EVA1C: variants seen among roughly 807,000 people sequenced by gnomAD.
The protein encoded by EVA1C is protein eva-1 homolog C.
In EVA1C, 25 loss-of-function variants were observed where a neutral mutation model predicts 45.4. That is an observed-to-expected ratio of 0.55 (90% confidence interval 0.40 to 0.77). The LOEUF is 0.77. EVA1C is among the 30% of genes least tolerant of loss of function. The probability of loss-of-function intolerance (pLI) is 0.00; values close to 1 mark genes in which losing one functional copy is unlikely to be tolerated. For synonymous variants in EVA1C, 190 were observed against 221.2 expected (o/e 0.86, Z 1.25); for missense variants, 479 against 554.8 (o/e 0.86, Z 1.37).
chr21:32,481,401 C>CT (rs5843555), intron 4 of EVA1C, among the ~76,000 whole-genome samples: 29,945 of 132,968 alleles, frequency 0.23, 4,290 homozygotes, highest in African/African-American at 0.41. Context: ...GAAACAGAAC[C>CT]TTTTTTTTTT....
intron 4 of EVA1C, among the ~76,000 whole-genome samples, chr21:32,489,000 A>T (rs2037068597): frequency 6.6e-6 from 1 of 152,182 alleles, no homozygotes; most frequent in African/African-American, 2.4e-5. Flanking sequence ...ATATATTTGA[A>T]TATTAACCCC....
intron 1 of EVA1C, among the ~76,000 whole-genome samples, chr21:32,423,580 G>A (rs1174535617): frequency 2.0e-5 from 3 of 151,944 alleles, no homozygotes; most frequent in African/African-American, 7.3e-5. Flanking sequence ...TGAGTGTTTG[G>A]AAGTATGTTC....
intron 7 of EVA1C, among the ~76,000 whole-genome samples, chr21:32,512,366 GAA>G (rs1476125143): frequency 1.8e-4 from 27 of 152,098 alleles, no homozygotes; most frequent in Non-Finnish European, 4.4e-5. Context: ...CTCAAAATAT[GAA>G]AAAAGAGGTA....
intron 4 of EVA1C, among the ~76,000 whole-genome samples, chr21:32,468,388 A>AAC (rs1409229407): frequency 3.9e-5 from 4 of 103,488 alleles, no homozygotes; most frequent in East Asian, 7.4e-4. Flanking sequence ...ACAAACAAAC[A>AAC]AACAAAAAAA....
At chr21:32,458,567 C>T (rs371433732) in intron 3 of EVA1C, among the ~76,000 whole-genome samples, 8 of 149,224 alleles carry the variant, frequency 5.4e-5, no homozygotes, top group Non-Finnish European at 1.2e-4. Flanking sequence ...CCACAACTTT[C>T]GCCTCCCGGG....
intron 4 of EVA1C, among the ~76,000 whole-genome samples, chr21:32,493,368 A>G (rs2037230337): frequency 6.6e-6 from 1 of 152,160 alleles, no homozygotes; most frequent in Non-Finnish European, 1.5e-5. Flanking sequence ...CTTGCAGAGT[A>G]AAGTCTGAAT....
rs150824120 is a variant in EVA1C at position 32,510,457 on chromosome 21, T to C, written c.950-4357T>C. Among the ~76,000 whole-genome samples the C allele has an allele frequency of 1.4e-3, 207 of 152,252 alleles. 3 individuals carry two copies. Among genetic ancestry groups the C allele is most frequent in the African/African-American group, 4.8e-3 (199 of 41,558 alleles). On this transcript the variant is annotated intron_variant, in intron 7 of 7. Transcript: ENST00000300255. ...GTGATGTGACCCAATGTGTGTTTCT[T>C]AAAGATTATAGAGGCCATGCAGGAA...
At chr21:32,415,246 C>T (rs2033988940) in intron 1 of EVA1C, among the ~76,000 whole-genome samples, 1 of 152,204 alleles carries the variant, frequency 6.6e-6, no homozygotes, top group African/African-American at 2.4e-5. Flanking sequence ...CCTGCAGAGC[C>T]TGATCACAAT....
Position 32,451,076 on chromosome 21 carries a change from AC to A in EVA1C, c.161-2232del. ...GCACTCTGGGCTGGTGGGCGTGAGG[AC>A]CCCAGGGCAGGCTGGCTCAGCCCCT... On this transcript the variant is annotated intron_variant, in intron 1 of 7. Transcript: ENST00000300255. Among the ~76,000 whole-genome samples the A allele has an allele frequency of 3.9e-5, 6 of 152,064 alleles. 1 individual carries two copies. The Middle Eastern group carries it at 0.02, about 517-fold the overall frequency.
chr21:32,474,323 C>T lies in EVA1C; in HGVS notation c.634+6475C>T, dbSNP rs371411259. ...TCTTCAGCTGTGGTCCTGCTGCACA[C>T]GCCTCTTCCCTCACTACCTCTGGAG... On this transcript the variant is annotated intron_variant, in intron 4 of 7. Transcript: ENST00000300255. This position sits in a 1 kb window ranked among gnomAD's most constrained non-coding sequence, Gnocchi z 4.4. 9.2e-5 allele frequency among the ~76,000 whole-genome samples: 14 copies of T among 152,242 alleles called. No homozygotes were observed. The highest frequency in any genetic ancestry group is 1.6e-4 in the Non-Finnish European group (11 of 68,042).
intron 1 of EVA1C, among the ~76,000 whole-genome samples, chr21:32,441,365 G>A (rs964908965): frequency 6.6e-6 from 1 of 152,098 alleles, no homozygotes; most frequent in African/African-American, 2.4e-5. Context: ...GGGAGGAAGG[G>A]AGAAAGCAGA....
chr21:32,484,282 C>A (rs1310469838), intron 4 of EVA1C, among the ~76,000 whole-genome samples: 1 of 152,204 alleles, frequency 6.6e-6, no homozygotes, highest in Non-Finnish European at 1.5e-5. Flanking sequence ...GTGGCTGACA[C>A]CTGTAATCCC....
At chr21:32,446,825 C>T (rs1199914474) in intron 1 of EVA1C, among the ~76,000 whole-genome samples, 5 of 152,160 alleles carry the variant, frequency 3.3e-5, no homozygotes. Context: ...TACCTCCTTC[C>T]ATGGCCACTC....
intron 1 of EVA1C, among the ~76,000 whole-genome samples, chr21:32,418,348 T>C (rs761420417): frequency 2.6e-5 from 4 of 152,164 alleles, no homozygotes; most frequent in South Asian, 2.1e-4. Context: ...TCTGTTTCCA[T>C]GGAAAGTGAC....
chr21:32,459,566 G>A (rs2035919595), intron 3 of EVA1C, among the ~76,000 whole-genome samples: 1 of 152,184 alleles, frequency 6.6e-6, no homozygotes. Context: ...CCTTGGCTGG[G>A]GGCGGTGGCT....
chr21:32,473,033 C>A (rs140791196), intron 4 of EVA1C, among the ~76,000 whole-genome samples: 1,668 of 152,356 alleles, frequency 0.011, 10 homozygotes, highest in Non-Finnish European at 0.017. Flanking sequence ...AATCAAAGGG[C>A]CCTGAGGGTG....
chr21:32,425,436 A>T (rs2146131100), intron 1 of EVA1C, among the ~76,000 whole-genome samples: 1 of 151,604 alleles, frequency 6.6e-6, no homozygotes, highest in East Asian at 2.0e-4. Context: ...CTCCTGTCTC[A>T]GCCTCCCAAA....
intron 1 of EVA1C, among the ~76,000 whole-genome samples, chr21:32,439,386 CCAGGGA>C (rs2035090273): frequency 6.6e-6 from 1 of 152,070 alleles, no homozygotes; most frequent in African/African-American, 2.4e-5. Flanking sequence ...GGCGAGTGTG[CCAGGGA>C]ATCAATTAAG....
At chr21:32,502,166 C>G (rs1431000880) in intron 6 of EVA1C, among the ~76,000 whole-genome samples, 1 of 151,780 alleles carries the variant, frequency 6.6e-6, no homozygotes, top group Non-Finnish European at 1.5e-5. Flanking sequence ...ATGGCGCAAT[C>G]TCCACTCACT....
Sources: allele counts gnomAD v4.1 joint callset (sites outside exome capture counted in the v4.1 genomes callset), GRCh38; gene constraint gnomAD v4.1.1; non-coding constraint Gnocchi (gnomAD v3.1); transcripts MANE v1.5; gene names NCBI Gene and HGNC (gene_info 2026-07-23, HGNC 2026-07-21).